Variants in IL1RAPL1 observed in about 807,000 individuals in gnomAD.
IL1RAPL1 encodes interleukin-1 receptor accessory protein-like 1.
In IL1RAPL1, 3 loss-of-function variants were observed where a neutral mutation model predicts 48.4. The ratio of observed to expected loss-of-function variants is 0.06; its 90% confidence interval spans 0.03 to 0.16. IL1RAPL1 has a LOEUF of 0.16. Among genes scored for constraint, IL1RAPL1 ranks in the 10% least tolerant of loss-of-function variants. The pLI is 1.00. For synonymous variants in IL1RAPL1, 185 were observed against 187.7 expected, an observed-to-expected ratio of 0.99 and a Z score of 0.12; for missense variants, 349 against 530.6, an observed-to-expected ratio of 0.66 and a Z score of 3.36.
chrX:29,777,703 A>G (rs1260142987), intron 6 of IL1RAPL1, among the ~76,000 whole-genome samples: 1 of 111,436 alleles, frequency 9.0e-6, no homozygotes, highest in Non-Finnish European at 1.9e-5. Flanking sequence ...AACAATTAGA[A>G]TAATGGTAAG....
chrX:29,803,476 C>T (rs1437510268), intron 6 of IL1RAPL1, among the ~76,000 whole-genome samples: 4 of 91,369 alleles, frequency 4.4e-5, no homozygotes, highest in African/African-American at 1.6e-4. Context: ...TATATGTATA[C>T]ATATATGTAT....
intron 1 of IL1RAPL1, among the ~76,000 whole-genome samples, chrX:28,700,563 C>A (rs1426388042): frequency 9.4e-6 from 1 of 106,167 alleles, no homozygotes; most frequent in African/African-American, 3.5e-5. Flanking sequence ...ACTTTAAGTT[C>A]TGGGATACAT....
chrX:29,011,041 T>A (rs1926110912), intron 2 of IL1RAPL1, among the ~76,000 whole-genome samples: 1 of 112,097 alleles, frequency 8.9e-6, no homozygotes, highest in South Asian at 3.7e-4. Flanking sequence ...CTTTTATCAT[T>A]GTTTAGAATA....
chrX:29,807,621 CAA>C (rs60391165), intron 6 of IL1RAPL1, among the ~76,000 whole-genome samples: 5 of 26,029 alleles, frequency 1.9e-4, no homozygotes, highest in African/African-American at 6.2e-4. Flanking sequence ...TCTCTCAAGA[CAA>C]AAAAAAAAAA....
intron 2 of IL1RAPL1, among the ~76,000 whole-genome samples, chrX:29,039,129 A>T (rs1423812818): frequency 9.0e-6 from 1 of 111,524 alleles, no homozygotes; most frequent in African/African-American, 3.3e-5. Context: ...CTTTTGTTCA[A>T]TTTGTAATTG....
intron 5 of IL1RAPL1, among the ~76,000 whole-genome samples, chrX:29,608,139 T>G (rs1476070319): frequency 8.9e-6 from 1 of 112,051 alleles, no homozygotes; most frequent in African/African-American, 3.2e-5. Context: ...TGTCCCCTCT[T>G]TCCACATGAT....
intron 6 of IL1RAPL1, among the ~76,000 whole-genome samples, chrX:29,886,047 G>A (rs1464327689): frequency 1.8e-5 from 2 of 111,752 alleles, no homozygotes; most frequent in Non-Finnish European, 3.8e-5. Flanking sequence ...ATATTTTAGA[G>A]AAGTAATAGT....
At chrX:29,636,688 A>C (rs906034026) in intron 5 of IL1RAPL1, among the ~76,000 whole-genome samples, 1 of 111,589 alleles carries the variant, frequency 9.0e-6, no homozygotes, top group African/African-American at 3.3e-5. Flanking sequence ...CTTCTTGTCC[A>C]TGTGTACTAT....
At chrX:29,121,121 A>G (rs1928774733) in intron 2 of IL1RAPL1, among the ~76,000 whole-genome samples, 1 of 112,114 alleles carries the variant, frequency 8.9e-6, no homozygotes, top group African/African-American at 3.2e-5. Context: ...AAATACCTAC[A>G]GCTAAGGTCA....
intron 5 of IL1RAPL1, among the ~76,000 whole-genome samples, chrX:29,512,390 G>A (rs1430482301): frequency 4.5e-5 from 5 of 111,458 alleles, no homozygotes; most frequent in East Asian, 2.8e-4. Context: ...TTATTACTTC[G>A]TTCTAAAATA....
At chrX:29,265,455 CT>C (rs1198492185) in intron 2 of IL1RAPL1, among the ~76,000 whole-genome samples, 7 of 107,673 alleles carry the variant, frequency 6.5e-5, no homozygotes, top group East Asian at 5.9e-4. Context: ...ATCATGGAAT[CT>C]TTTTTTTTAT....
chrX:28,906,240 T>C (rs142957074), intron 2 of IL1RAPL1, among the ~76,000 whole-genome samples: 1 of 112,653 alleles, frequency 8.9e-6, no homozygotes, highest in East Asian at 2.8e-4. Context: ...CCTAGACATG[T>C]TGGGATTATG....
chrX:28,662,781 G>A (rs1028996867), intron 1 of IL1RAPL1, among the ~76,000 whole-genome samples: 1 of 111,124 alleles, frequency 9.0e-6, no homozygotes, highest in African/African-American at 3.3e-5. Flanking sequence ...GGGGTGAGGG[G>A]CTGAATAACA....
chrX:28,725,036 C>G (rs1312645527), intron 1 of IL1RAPL1, among the ~76,000 whole-genome samples: 1 of 105,921 alleles, frequency 9.4e-6, no homozygotes, highest in Admixed American at 1.0e-4. Context: ...ACTGCAAGCT[C>G]TGCCTCCCGG....
chrX:29,498,603 CTT>C (rs1313660053), intron 5 of IL1RAPL1, among the ~76,000 whole-genome samples: 12 of 107,823 alleles, frequency 1.1e-4, no homozygotes, highest in Non-Finnish European at 1.9e-5. Context: ...AAAATTTTCT[CTT>C]TAGTTTTCAT....
intron 6 of IL1RAPL1, among the ~76,000 whole-genome samples, chrX:29,750,306 G>A (rs1237588341): frequency 1.8e-5 from 2 of 111,985 alleles, no homozygotes; most frequent in Non-Finnish European, 3.8e-5. Flanking sequence ...AAAGTAGTCC[G>A]TGACTTTGTA....
chrX:29,429,894 G>GTGGTGTGTGTGTGT (rs34694649), intron 5 of IL1RAPL1, among the ~76,000 whole-genome samples: 1 of 85,135 alleles, frequency 1.2e-5, no homozygotes, highest in African/African-American at 4.7e-5. Flanking sequence ...GTGTGTGTGT[G>GTGGTGTGTGTGTGT]GTGTGTGTGT....
chrX:29,233,988 T>C (rs576319654), intron 2 of IL1RAPL1, among the ~76,000 whole-genome samples: 5 of 111,826 alleles, frequency 4.5e-5, no homozygotes, highest in South Asian at 3.8e-4. Context: ...GTCTGACAAC[T>C]AGCAGGAACA....
intron 2 of IL1RAPL1, among the ~76,000 whole-genome samples, chrX:28,974,011 T>C (rs920603010): frequency 1.9e-4 from 21 of 112,206 alleles, no homozygotes; most frequent in African/African-American, 6.8e-4. Context: ...TGCGTTTGTT[T>C]TAGTTGTGCT....
Sources: gnomAD v4.1 joint callset for allele counts (sites outside exome capture counted in the v4.1 genomes callset) on GRCh38, gnomAD v4.1.1 for gene constraint, MANE v1.5 for transcripts, NCBI Gene and HGNC (gene_info 2026-07-23, HGNC 2026-07-21) for gene names.